The following RBFOX1 variants were observed in gnomAD, a reference collection of about 807,000 sequenced individuals.
RBFOX1 encodes the protein RNA binding protein fox-1 homolog 1.
In RBFOX1, 8 loss-of-function variants were observed where a neutral mutation model predicts 57.7. The observed-to-expected ratio is 0.14, with a 90% CI of 0.08 to 0.25. The LOEUF is 0.25. Ranked by LOEUF, RBFOX1 falls within the 10% of genes least tolerant of loss-of-function variation. The probability of loss-of-function intolerance (pLI) is 1.00; values close to 1 mark genes in which losing one functional copy is unlikely to be tolerated. For synonymous variants in RBFOX1, 326 were observed against 222.4 expected (o/e 1.47, Z -4.15); for missense variants, 611 against 548.5 (o/e 1.11, Z -1.14).
intron 10 of RBFOX1, among the ~76,000 whole-genome samples, chr16:7,609,433 A>G (rs968893852): frequency 4.6e-5 from 7 of 152,110 alleles, no homozygotes; most frequent in African/African-American, 1.7e-4. Context: ...GATGAGAGAA[A>G]CAGTTAAGAC....
At chr16:7,366,786 G>C (rs112253648) in intron 4 of RBFOX1, among the ~76,000 whole-genome samples, 2,534 of 152,098 alleles carry the variant, frequency 0.017, 28 homozygotes, top group Middle Eastern at 0.027. Context: ...AGGGATTAAA[G>C]ATCAAAAATG....
intron 4 of RBFOX1, among the ~76,000 whole-genome samples, chr16:5,940,316 C>T (rs1332782028): frequency 2.6e-5 from 4 of 152,188 alleles, no homozygotes; most frequent in African/African-American, 9.6e-5. Flanking sequence ...CCTAAAGCCT[C>T]ATTTAGCTTA....
chr16:5,397,024 G>C (rs998597405), intron 1 of RBFOX1, among the ~76,000 whole-genome samples: 2 of 152,182 alleles, frequency 1.3e-5, no homozygotes, highest in East Asian at 1.9e-4. Flanking sequence ...CTGGCTTATA[G>C]GGGCCATCCC....
rs3029191 is a variant in RBFOX1, at chr16:7,688,221, ATGTGTGTGTGTGTG to A, written c.995+11410_995+11423del. Among the ~76,000 whole-genome samples, 1,103 of 120,942 alleles carry A rather than the reference ATGTGTGTGTGTGTG, an allele frequency of 9.1e-3. 20 individuals are homozygous for A. The highest frequency in any genetic ancestry group is 0.029 in the African/African-American group (933 of 32,004). 79.3% of individuals were successfully genotyped at this position (120,942 alleles called of 152,430 possible). On this transcript the variant is annotated intron_variant, in intron 14 of 15. Transcript: ENST00000550418. ...TAGTAGGCATCCTTGGCAGGTTTAA[ATGTGTGTGTGTGTG>A]TGTGTGTGTGTGTGTGTGTGTGTGT...
At position 6,148,226 on chromosome 16, in the gene RBFOX1, C is replaced by G. The variant is rs371044160; in HGVS notation, c.-127+128234C>G. Among the ~76,000 whole-genome samples the G allele has an allele frequency of 3.5e-4, 53 of 152,328 alleles. No individual in the cohort carries two copies. In the East Asian group the frequency reaches 8.3e-3, roughly 24 times the overall value. On this transcript the variant is annotated intron_variant, in intron 1 of 15. Transcript: ENST00000550418. ...CCTGTAATCCCAGCTACTTGGGAGG[C>G]TGAGGCAGGGGAATTGCTTGAATCT... is the stretch of plus-strand genomic sequence containing the variant.
chr16:6,113,260 A>G (rs2096464639), intron 1 of RBFOX1, among the ~76,000 whole-genome samples: 1 of 152,130 alleles, frequency 6.6e-6, no homozygotes, highest in African/African-American at 2.4e-5. Context: ...GCCGATTGCA[A>G]AAGGGCATTT....
chr16:6,937,496 T>C lies in RBFOX1; in HGVS notation c.-15-114561T>C, dbSNP rs543753521. Among the ~76,000 whole-genome samples the C allele has an allele frequency of 4.6e-5, 7 of 152,204 alleles. No homozygotes were observed. The East Asian group carries it at 1.2e-3, about 25-fold the overall frequency. ...GTGAAGATATTTATTCTGAGTGACA[T>C]AGGAGTGACACAGACATCAGGAGAT... On this transcript the variant is annotated intron_variant, in intron 3 of 15. Transcript: ENST00000550418.
At chr16:5,347,596 C>T (rs1567366732) in intron 1 of RBFOX1, among the ~76,000 whole-genome samples, 1 of 151,340 alleles carries the variant, frequency 6.6e-6, no homozygotes, top group African/African-American at 2.4e-5. Context: ...ACCCACCCAT[C>T]CACCCACCCA....
At position 6,019,089 on chromosome 16, in the gene RBFOX1, A is replaced by T. The variant is rs1346904567; in HGVS notation, c.-1030A>T. 1 of 984,270 alleles carries T rather than the reference A, an allele frequency of 1.0e-6. No individual in the cohort carries two copies. Among genetic ancestry groups the T allele is most frequent in the Non-Finnish European group, 1.2e-6 (1 of 829,626 alleles). The allele number at this position is 984,270 out of a possible 1,614,324, so 61.0% of individuals were successfully genotyped here. On this transcript the variant is annotated 5_prime_UTR_variant, in exon 1 of 16. Transcript: ENST00000550418. This position sits in a 1 kb window ranked among gnomAD's most constrained non-coding sequence, Gnocchi z 4.2. ...GTCGCGCGCTCACACACACACAGAC[A>T]CACACGCACACACACACATGCACAC...
At chr16:7,203,538 T>C (rs1057241963) in intron 4 of RBFOX1, among the ~76,000 whole-genome samples, 15 of 152,252 alleles carry the variant, frequency 9.9e-5, no homozygotes, top group African/African-American at 3.6e-4. Flanking sequence ...TAGTAACTTT[T>C]ATGTTGTATT....
rs775856627 is a variant in RBFOX1, at chr16:7,052,064, G to C, written c.-8G>C. 1.9e-6 allele frequency: 3 copies of C among 1,612,466 alleles called. No homozygotes were observed. Among genetic ancestry groups the C allele is most frequent in the Non-Finnish European group, 2.5e-6 (3 of 1,179,478 alleles). On this transcript the variant is annotated 5_prime_UTR_variant, in exon 4 of 16. Coordinates refer to ENST00000550418, the MANE Select transcript of RBFOX1 (RefSeq NM_018723.4). The stretch of plus-strand genomic sequence containing the variant: ...ATTTTCTTTTCTTTCTAGGTTTCAA[G>C]ACAACAGATGAATTGTGAAAGAGAG...
At chr16:7,332,328 C>G (rs760807407) in intron 4 of RBFOX1, among the ~76,000 whole-genome samples, 3 of 152,204 alleles carry the variant, frequency 2.0e-5, no homozygotes, top group South Asian at 4.1e-4. Context: ...TTAACTCTGT[C>G]TCTCTGCGTA....
intron 4 of RBFOX1, among the ~76,000 whole-genome samples, chr16:5,929,033 T>TAAAAATAAAA (rs2058993990): frequency 7.9e-6 from 1 of 127,064 alleles, no homozygotes. Context: ...CTTTCCAATT[T>TAAAAATAAAA]AAAAAAAAAA....
chr16:6,596,649 C>G (rs771765066), intron 2 of RBFOX1, among the ~76,000 whole-genome samples: 1 of 144,140 alleles, frequency 6.9e-6, no homozygotes, highest in Non-Finnish European at 1.5e-5. Context: ...TAGGCTTGTT[C>G]ATATGTTGTA....
At chr16:7,007,940 G>T (rs1035092333) in intron 3 of RBFOX1, among the ~76,000 whole-genome samples, 4 of 152,138 alleles carry the variant, frequency 2.6e-5, no homozygotes, top group African/African-American at 4.8e-5. Flanking sequence ...TACAACAGGT[G>T]CCGTGAGAAA....
intron 1 of RBFOX1, among the ~76,000 whole-genome samples, chr16:6,275,960 A>G (rs529142126): frequency 6.6e-6 from 1 of 152,150 alleles, no homozygotes; most frequent in Non-Finnish European, 1.5e-5. Context: ...TGTATATTGC[A>G]TTGCCTTAAT....
intron 14 of RBFOX1, among the ~76,000 whole-genome samples, chr16:7,704,813 G>A (rs1353317656): frequency 6.6e-6 from 1 of 152,152 alleles, no homozygotes; most frequent in African/African-American, 2.4e-5. Context: ...CACTTTGGGA[G>A]GCCAAGGCAG....
intron 3 of RBFOX1, among the ~76,000 whole-genome samples, chr16:6,674,159 C>T (rs1275119292): frequency 2.6e-5 from 4 of 152,212 alleles, no homozygotes; most frequent in Non-Finnish European, 5.9e-5. Flanking sequence ...GAATAGAGTC[C>T]TCCAGAAAAG....
chr16:7,142,131 C>G (rs976250959), intron 4 of RBFOX1, among the ~76,000 whole-genome samples: 8 of 152,070 alleles, frequency 5.3e-5, no homozygotes, highest in African/African-American at 1.4e-4. Context: ...TAAAGGGAGC[C>G]TCACACCTCA....
Sources: allele counts gnomAD v4.1 joint callset (sites outside exome capture counted in the v4.1 genomes callset), GRCh38; gene constraint gnomAD v4.1.1; non-coding constraint Gnocchi (gnomAD v3.1); transcripts MANE v1.5; gene names NCBI Gene and HGNC (gene_info 2026-07-23, HGNC 2026-07-21).